GCNT1: variants seen among roughly 807,000 people sequenced by gnomAD.
GCNT1 encodes the protein glucosaminyl (N-acetyl) transferase 1.
Under a neutral mutation model 26.2 loss-of-function variants are expected in GCNT1, and 16 were observed. The observed-to-expected ratio is 0.61, with a 90% CI of 0.41 to 0.93. The LOEUF (loss-of-function observed/expected upper bound fraction) is 0.93. GCNT1 is among the 40% of genes least tolerant of loss of function. The pLI, the probability that GCNT1 is intolerant of heterozygous loss-of-function variation, is 0.00. For missense variants in GCNT1, 477 were observed against 526.7 expected (o/e 0.91, Z 0.92); for synonymous variants, 183 against 190.8 (o/e 0.96, Z 0.34).
intron 2 of GCNT1, among the ~76,000 whole-genome samples, chr9:76,479,637 C>T (rs1179439575): frequency 3.9e-5 from 6 of 152,164 alleles, no homozygotes; most frequent in Admixed American, 3.3e-4. Flanking sequence ...TTTCATATGC[C>T]TGTTGGCTGC....
chr9:76,420,399 G>A (rs550913071), intron 1 of GCNT1, among the ~76,000 whole-genome samples: 2 of 152,014 alleles, frequency 1.3e-5, no homozygotes, highest in African/African-American at 4.8e-5. Flanking sequence ...TTAGCCTCCC[G>A]AGAAGCCGGG....
the GCNT1 span, among the ~76,000 whole-genome samples, chr9:76,401,806 G>A: frequency 4.6e-5 from 7 of 152,124 alleles, no homozygotes; most frequent in African/African-American, 1.7e-4. Flanking sequence ...GAGGCCAGAG[G>A]ATCCCTTGAG....
chr9:76,501,394 A>G (rs909789662), intron 3 of GCNT1, among the ~76,000 whole-genome samples: 2 of 152,220 alleles, frequency 1.3e-5, no homozygotes, highest in Non-Finnish European at 2.9e-5. Context: ...TGGAATTTGA[A>G]TATAGATGAA....
At chr9:76,463,733 T>TTTATGAGC (rs60939170) in intron 2 of GCNT1, among the ~76,000 whole-genome samples, 90,259 of 151,108 alleles carry the variant, frequency 0.6, 28,727 homozygotes, top group African/African-American at 0.83. Flanking sequence ...GGTCCCTGCC[T>TTTATGAGC]TTATGAGCTT....
At chr9:76,458,795 A>G (rs1244472083), upstream of GCNT1, among the ~76,000 whole-genome samples, 3 of 152,220 alleles carry the variant, frequency 2.0e-5, no homozygotes, top group Non-Finnish European at 4.4e-5. Context: ...AAACACCTAC[A>G]TGGTTATCTC....
At chr9:76,472,131 G>C (rs987131296) in intron 2 of GCNT1, among the ~76,000 whole-genome samples, 1 of 152,080 alleles carries the variant, frequency 6.6e-6, no homozygotes, top group Non-Finnish European at 1.5e-5. Flanking sequence ...AAAAAAAATA[G>C]CCAGGTGTGG....
At chr9:76,490,612 T>G (rs559446858) in intron 2 of GCNT1, among the ~76,000 whole-genome samples, 1 of 152,362 alleles carries the variant, frequency 6.6e-6, no homozygotes, top group East Asian at 1.9e-4. Flanking sequence ...GATTTTAATT[T>G]TTGTTTGCTA....
chr9:76,499,374 C>T (rs1825000208), intron 2 of GCNT1, among the ~76,000 whole-genome samples: 1 of 152,098 alleles, frequency 6.6e-6, no homozygotes, highest in Non-Finnish European at 1.5e-5. Context: ...GTGATCCGCC[C>T]ACCTCAGCTT....
upstream of GCNT1, among the ~76,000 whole-genome samples, chr9:76,454,832 C>A (rs955365099): frequency 8.4e-5 from 11 of 131,236 alleles, no homozygotes; most frequent in African/African-American, 2.8e-4. Context: ...AATTAAACCT[C>A]TTTTCTTTTC....
chr9:76,457,279 T>C (rs911441965), upstream of GCNT1, among the ~76,000 whole-genome samples: 1 of 152,208 alleles, frequency 6.6e-6, no homozygotes, highest in Non-Finnish European at 1.5e-5. Context: ...GATGGAGCCT[T>C]GCTTTGTCAC....
Position 76,478,925 on chromosome 9 carries a change from G to A in GCNT1, c.-290+18748G>A, listed in dbSNP as rs1001811109. Among the ~76,000 whole-genome samples, 9 of 152,194 alleles carry A rather than the reference G, an allele frequency of 5.9e-5. No individual in the cohort carries two copies. In the East Asian group the frequency reaches 1.7e-3, roughly 29 times the overall value. ...CACAATGTGCAGGTTTGTTACATAT[G>A]TATACATGTGCCATGTTGGTGGGCT... is the stretch of plus-strand genomic sequence containing the variant. On this transcript the variant is annotated intron_variant, in intron 2 of 3. Coordinates refer to ENST00000376730, the MANE Select transcript of GCNT1 (RefSeq NM_001490.5).
At chr9:76,413,112 A>G in the GCNT1 span, among the ~76,000 whole-genome samples, 1 of 152,202 alleles carries the variant, frequency 6.6e-6, no homozygotes, top group Non-Finnish European at 1.5e-5. Flanking sequence ...TGAAAGTAAT[A>G]TACTGCTTGT....
intron 2 of GCNT1, among the ~76,000 whole-genome samples, chr9:76,479,336 T>C (rs1265337457): frequency 6.6e-6 from 1 of 152,224 alleles, no homozygotes; most frequent in African/African-American, 2.4e-5. Context: ...TGTGTCTTTC[T>C]TTATAGGAGC....
At chr9:76,412,210 T>G in the GCNT1 span, among the ~76,000 whole-genome samples, 1 of 152,172 alleles carries the variant, frequency 6.6e-6, no homozygotes, top group Non-Finnish European at 1.5e-5. Flanking sequence ...TATATTTTCT[T>G]AGTGAGCAGA....
chr9:76,440,224 T>C (rs1039205375), upstream of GCNT1, among the ~76,000 whole-genome samples: 7 of 152,214 alleles, frequency 4.6e-5, no homozygotes, highest in African/African-American at 1.4e-4. Flanking sequence ...ACCTTCTCTC[T>C]GAATTTTCTT....
At chr9:76,450,736 A>G (rs1222553097) in intron 1 of GCNT1, among the ~76,000 whole-genome samples, 1 of 152,088 alleles carries the variant, frequency 6.6e-6, no homozygotes, top group Non-Finnish European at 1.5e-5. Context: ...CCTGGTGCAT[A>G]TTTTTACGTA....
At chr9:76,404,643 C>G in the GCNT1 span, among the ~76,000 whole-genome samples, 1 of 152,088 alleles carries the variant, frequency 6.6e-6, no homozygotes. Flanking sequence ...TGAATGCTCT[C>G]TGTTAGAAGC....
chr9:76,437,775 G>A (rs995790967), upstream of GCNT1, among the ~76,000 whole-genome samples: 1 of 152,208 alleles, frequency 6.6e-6, no homozygotes, highest in Non-Finnish European at 1.5e-5. Context: ...GGGCAAAGCA[G>A]AATATTTATT....
intron 2 of GCNT1, among the ~76,000 whole-genome samples, chr9:76,496,465 C>G (rs188806016): frequency 6.6e-6 from 1 of 152,138 alleles, no homozygotes; most frequent in African/African-American, 2.4e-5. Flanking sequence ...TTCCTCTCGT[C>G]CATCTGCTTT....
Sources: allele counts gnomAD v4.1 joint callset (sites outside exome capture counted in the v4.1 genomes callset), GRCh38; gene constraint gnomAD v4.1.1; transcripts MANE v1.5; gene names NCBI Gene and HGNC (gene_info 2026-07-23, HGNC 2026-07-21).